The following ADA2 variants were observed in gnomAD, a reference collection of about 807,000 sequenced individuals.
The protein encoded by ADA2 is adenosine deaminase 2, also known as adenosine deaminase CECR1.
In ADA2, 29 loss-of-function variants were observed where a neutral mutation model predicts 44.2. The observed-to-expected ratio is 0.66, with a 90% CI of 0.49 to 0.89. ADA2 has a LOEUF of 0.89. ADA2 is among the 40% of genes least tolerant of loss of function. ADA2 has a pLI of 0.00. For synonymous variants in ADA2, 215 were observed against 234.9 expected (o/e 0.92, Z 0.77); for missense variants, 637 against 644.8 (o/e 0.99, Z 0.13).
chr22:17,207,841 C>T (rs1485082553), intron 2 of ADA2, among the ~76,000 whole-genome samples: 2 of 152,146 alleles, frequency 1.3e-5, no homozygotes, highest in Non-Finnish European at 2.9e-5. Flanking sequence ...CCCCTCAACT[C>T]CTCTCCCACT....
Position 17,209,678 on chromosome 22 carries a change from C to T in ADA2, c.-1G>A, listed in dbSNP as rs372852468. 2.5e-6 allele frequency: 4 copies of T among 1,610,118 alleles called. No homozygotes were observed. Among genetic ancestry groups the T allele is most frequent in the African/African-American group, 1.3e-5 (1 of 74,848 alleles). ...GCTCAGATGGGCCATCCACCAACAT[C>T]GGGATGCCTGGACTAGGAAAGGGCT... On this transcript the variant is annotated 5_prime_UTR_variant, in exon 2 of 10. Transcript: ENST00000399837.
intron 1 of ADA2, 49 bp from the exon 2 acceptor site, chr22:17,209,772 C>T: frequency 2.2e-6 from 2 of 924,546 alleles, no homozygotes; most frequent in East Asian, 2.6e-5. Context: ...AAGGGTGGAA[C>T]TCTGATCTTC....
chr22:17,206,120 C>A (rs2062351250), intron 3 of ADA2, among the ~76,000 whole-genome samples: 2 of 152,144 alleles, frequency 1.3e-5, no homozygotes, highest in Non-Finnish European at 2.9e-5. Flanking sequence ...CTTTTATTCT[C>A]TCTGGTTTTA....
At chr22:17,198,747 T>G (rs762224190) in intron 4 of ADA2, 1 of 152,198 alleles carries the variant, frequency 6.6e-6, no homozygotes, top group East Asian at 1.9e-4. Context: ...AAGAGCCCCA[T>G]GCTAAAGACT....
intron 1 of ADA2, among the ~76,000 whole-genome samples, chr22:17,212,618 G>A (rs2062430215): frequency 6.6e-6 from 1 of 152,034 alleles, no homozygotes; most frequent in African/African-American, 2.4e-5. Flanking sequence ...GTTATCTGAT[G>A]GAGAGCTAAT....
intron 4 of ADA2, chr22:17,199,716 G>T: frequency 2.6e-6 from 4 of 1,538,942 alleles, no homozygotes; most frequent in Non-Finnish European, 3.5e-6. Context: ...TCTGGGTCCA[G>T]CCACCCCTTA....
intron 7 of ADA2, among the ~76,000 whole-genome samples, chr22:17,183,979 G>C (rs1181462377): frequency 6.8e-5 from 1 of 14,632 alleles, no homozygotes; most frequent in African/African-American, 2.9e-4. Flanking sequence ...TTTTTTTTGA[G>C]ATGGAGTCTC....
chr22:17,192,215 C>T (rs1422875568), intron 4 of ADA2, among the ~76,000 whole-genome samples: 5 of 152,098 alleles, frequency 3.3e-5, no homozygotes, highest in Admixed American at 3.3e-4. Flanking sequence ...TCTGGGATAA[C>T]CCTGATGCTG....
At chr22:17,221,672 G>A (rs1001572683), upstream of ADA2, 8 of 152,250 alleles carry the variant, frequency 5.3e-5, no homozygotes, top group Non-Finnish European at 8.8e-5. Flanking sequence ...GGGTTCTGGG[G>A]AGTGGAGACT....
At chr22:17,219,106 G>A (rs1231142943) in intron 1 of ADA2, among the ~76,000 whole-genome samples, 1 of 152,214 alleles carries the variant, frequency 6.6e-6, no homozygotes, top group Non-Finnish European at 1.5e-5. Context: ...GCAGAGAGCC[G>A]AGATCGTGCC....
In ADA2 at chr22:17,181,954, C is replaced by T; in HGVS notation, c.1308G>A (p.Met436Ile). 1 of 1,614,184 alleles carries T rather than the reference C, an allele frequency of 6.2e-7. No homozygotes were observed. ...VATLMATGHP[M>I]VISSDDPAMF... ...TAGCTGGGTCATCAGAGCTGATCACCATGGGGTGCCCAGTGGCCATCAGAG... is the reference window on the plus strand; with the variant it reads ...TAGCTGGGTCATCAGAGCTGATCACTATGGGGTGCCCAGTGGCCATCAGAG... The change falls in exon 9 of 10, where the codon ATG becomes ATA. Residue 436 changes from methionine to isoleucine, a missense_variant. Coordinates refer to ENST00000399837, the MANE Select transcript of ADA2 (RefSeq NM_001282225.2).
chr22:17,190,927 G>A (rs1179278979), intron 5 of ADA2, among the ~76,000 whole-genome samples: 1 of 152,246 alleles, frequency 6.6e-6, no homozygotes, highest in Non-Finnish European at 1.5e-5. Context: ...GGCATGGGAG[G>A]AGGCTCCTGG....
At chr22:17,193,343 A>T (rs2062145085) in intron 4 of ADA2, 1 of 495,058 alleles carries the variant, frequency 2.0e-6, no homozygotes, top group East Asian at 3.7e-5. Context: ...TGTTTAAATA[A>T]AACCGTAAAA....
chr22:17,200,210 A>AAACAAACG (rs145421300), intron 4 of ADA2, among the ~76,000 whole-genome samples: 8,600 of 152,114 alleles, frequency 0.057, 294 homozygotes, highest in Middle Eastern at 0.11. Flanking sequence ...ACAAACAAAC[A>AAACAAACG]CAAGAATCAC....
chr22:17,188,491 C>T (rs747974783), intron 6 of ADA2, 44 bp from the exon 7 acceptor site: 1 of 1,391,878 alleles, frequency 7.2e-7, no homozygotes, highest in Admixed American at 1.7e-5. Context: ...AGGGCGCATG[C>T]CTCACTTGCT....
chr22:17,205,025 C>CT (rs563247399), intron 3 of ADA2, among the ~76,000 whole-genome samples: 120 of 141,488 alleles, frequency 8.5e-4, no homozygotes, highest in Non-Finnish European at 1.4e-3. Context: ...TTCTTTCTTT[C>CT]TTTTTTTTTT....
chr22:17,201,892 T>C (rs1323572609), intron 4 of ADA2, among the ~76,000 whole-genome samples: 1 of 152,100 alleles, frequency 6.6e-6, no homozygotes, highest in Non-Finnish European at 1.5e-5. Flanking sequence ...TCCCTTCTTT[T>C]GGACTCTTTC....
intron 6 of ADA2, chr22:17,188,683 T>G (rs2062070723): frequency 1.3e-5 from 4 of 319,004 alleles, no homozygotes; most frequent in South Asian, 4.1e-5. Flanking sequence ...ATCGAGACCA[T>G]CCTGGCTAAC....
chr22:17,199,172 A>C (rs2062236479), intron 4 of ADA2, among the ~76,000 whole-genome samples: 1 of 151,990 alleles, frequency 6.6e-6, no homozygotes, highest in South Asian at 2.1e-4. Flanking sequence ...CCTTCTCCAA[A>C]GGTTGGCTGG....
Sources: gnomAD v4.1 joint callset for allele counts (sites outside exome capture counted in the v4.1 genomes callset) on GRCh38, gnomAD v4.1.1 for gene constraint, MANE v1.5 for transcripts, NCBI Gene and HGNC (gene_info 2026-07-23, HGNC 2026-07-21) for gene names.